The following JAKMIP2 variants were observed in gnomAD, a reference collection of about 807,000 sequenced individuals.
JAKMIP2 encodes the protein janus kinase and microtubule interacting protein 2.
A neutral mutation model predicts 115.0 loss-of-function variants in JAKMIP2; 25 were observed. That is an observed-to-expected ratio of 0.22 (90% CI 0.16 to 0.30). The LOEUF is 0.30. Ranked by LOEUF, JAKMIP2 falls within the 10% of genes least tolerant of loss-of-function variation. JAKMIP2 has a pLI of 1.00. For synonymous variants in JAKMIP2, 334 were observed against 343.6 expected (o/e 0.97, Z 0.31); for missense variants, 642 against 957.6 (o/e 0.67, Z 4.35).
intron 1 of JAKMIP2, among the ~76,000 whole-genome samples, chr5:147,706,456 C>T (rs1291068367): frequency 2.6e-5 from 4 of 152,136 alleles, no homozygotes; most frequent in African/African-American, 7.2e-5. Flanking sequence ...ACAGCTGAGA[C>T]TATAGGAACG....
At chr5:147,715,382 C>A (rs991873058) in intron 1 of JAKMIP2, among the ~76,000 whole-genome samples, 2 of 151,260 alleles carry the variant, frequency 1.3e-5, no homozygotes, top group African/African-American at 4.8e-5. Flanking sequence ...AAAAAATAAC[C>A]AAACAGAAAT....
At position 147,681,090 on chromosome 5, in the gene JAKMIP2, G is replaced by C. The variant is rs183522095; in HGVS notation, c.-148-9136C>G. Reference sequence around the variant, plus strand: ...GTCAATACACTGTTTCACATGAAAAGAATGCTATATAAATATAACCAAAAA... The same window carrying C: ...GTCAATACACTGTTTCACATGAAAACAATGCTATATAAATATAACCAAAAA... On this transcript the variant is annotated intron_variant, in intron 1 of 21. Transcript: ENST00000616793. 6.6e-5 allele frequency among the ~76,000 whole-genome samples: 10 copies of C among 152,218 alleles called. No individual in the cohort carries two copies. The East Asian group carries it at 1.9e-3, about 29-fold the overall frequency.
At chr5:147,637,366 C>G (rs941625923) in intron 10 of JAKMIP2, among the ~76,000 whole-genome samples, 34 of 151,676 alleles carry the variant, frequency 2.2e-4, no homozygotes, top group Non-Finnish European at 4.6e-4. Context: ...TAACTCTCCA[C>G]TCTTCTCTTT....
intron 1 of JAKMIP2, among the ~76,000 whole-genome samples, chr5:147,715,861 T>C (rs1336730351): frequency 6.6e-6 from 1 of 150,596 alleles, no homozygotes; most frequent in African/African-American, 2.4e-5. Flanking sequence ...TTTTTAATTA[T>C]ACTTTAAGTT....
chr5:147,733,286 T>G (rs191463438), intron 1 of JAKMIP2, among the ~76,000 whole-genome samples: 17 of 152,332 alleles, frequency 1.1e-4, no homozygotes, highest in Non-Finnish European at 1.5e-4. Flanking sequence ...CATGCTGAGC[T>G]GTGCTCAAAA....
chr5:147,601,752 A>C lies in JAKMIP2; in HGVS notation c.*9T>G. The stretch of plus-strand genomic sequence containing the variant: ...AAATGGAATCTTACCTTTAAGAGGC[A>C]CCTTGACATCAAGGCCATAGAATAA... On this transcript the variant is annotated 3_prime_UTR_variant, in exon 21 of 22. Transcript: ENST00000616793. 6.6e-7 allele frequency: 1 copy of C among 1,524,770 alleles called. No individual in the cohort carries two copies. The highest frequency in any genetic ancestry group is 8.8e-7 in the Non-Finnish European group (1 of 1,134,268). 94.5% of individuals were successfully genotyped at this position (1,524,770 alleles called of 1,614,324 possible). A position where few individuals can be genotyped will look rare whatever the true frequency, so the allele number is the denominator to read the frequency against.
At chr5:147,639,566 C>T (rs1159472871) in intron 10 of JAKMIP2, 66 bp downstream of exon 10, 1 of 1,521,920 alleles carries the variant, frequency 6.6e-7, no homozygotes, top group African/African-American at 1.4e-5. Context: ...ATTTTTATGT[C>T]CACAGTGCTT....
chr5:147,690,368 C>A (rs904937466), intron 1 of JAKMIP2, among the ~76,000 whole-genome samples: 1 of 151,346 alleles, frequency 6.6e-6, no homozygotes. Flanking sequence ...AAAAAAGGGA[C>A]CAGCATAATA....
At chr5:147,688,008 G>T (rs1760653064) in intron 1 of JAKMIP2, among the ~76,000 whole-genome samples, 1 of 152,180 alleles carries the variant, frequency 6.6e-6, no homozygotes. Context: ...AATCACTTCA[G>T]CCTGATTCCA....
chr5:147,614,485 T>C (rs549477460), intron 19 of JAKMIP2, among the ~76,000 whole-genome samples: 2 of 152,224 alleles, frequency 1.3e-5, no homozygotes, highest in Non-Finnish European at 2.9e-5. Flanking sequence ...CTTTTCTACC[T>C]ACTTCTTTTT....
At chr5:147,752,841 C>A (rs1013872332) in intron 1 of JAKMIP2, among the ~76,000 whole-genome samples, 3 of 152,122 alleles carry the variant, frequency 2.0e-5, no homozygotes, top group Non-Finnish European at 4.4e-5. Context: ...TTGGCTAGAA[C>A]AACTGAGTGG....
chr5:147,648,691 A>G (rs1162071770), intron 4 of JAKMIP2, among the ~76,000 whole-genome samples: 2 of 152,156 alleles, frequency 1.3e-5, no homozygotes, highest in Middle Eastern at 6.3e-3. Flanking sequence ...TGTAATTGCA[A>G]ATGAATTCCA....
intron 21 of JAKMIP2, among the ~76,000 whole-genome samples, chr5:147,601,113 A>G (rs1360733009): frequency 6.6e-6 from 1 of 152,182 alleles, no homozygotes; most frequent in Non-Finnish European, 1.5e-5. Flanking sequence ...GGAGACTATG[A>G]TGAGAATGCT....
At chr5:147,756,745 C>T (rs1397232878) in intron 1 of JAKMIP2, among the ~76,000 whole-genome samples, 1 of 152,088 alleles carries the variant, frequency 6.6e-6, no homozygotes, top group Non-Finnish European at 1.5e-5. Context: ...TATAAACAGC[C>T]TGTGCTCTAC....
intron 21 of JAKMIP2, among the ~76,000 whole-genome samples, chr5:147,591,912 A>G (rs1408559175): frequency 6.6e-6 from 1 of 152,192 alleles, no homozygotes; most frequent in Admixed American, 6.5e-5. Context: ...TAAAACAATT[A>G]ATGGTTCTTG....
chr5:147,714,781 G>A (rs1219825538), intron 1 of JAKMIP2, among the ~76,000 whole-genome samples: 2 of 152,122 alleles, frequency 1.3e-5, no homozygotes, highest in Non-Finnish European at 2.9e-5. Context: ...TTTTTCATAG[G>A]TTGAAAGAAG....
chr5:147,692,537 G>T (rs1580790596), intron 1 of JAKMIP2, among the ~76,000 whole-genome samples: 1 of 152,168 alleles, frequency 6.6e-6, no homozygotes, highest in South Asian at 2.1e-4. Context: ...ATCACAGCTT[G>T]TGGTTATAAA....
Position 147,586,146 on chromosome 5 carries a change from A to T in JAKMIP2, c.*5561T>A, listed in dbSNP as rs1440159338. On this transcript the variant is annotated 3_prime_UTR_variant, in exon 22 of 22. Coordinates refer to ENST00000616793, the MANE Select transcript of JAKMIP2 (RefSeq NM_001270941.2). ...GGTAGTCAAGGATGGGAAGAGTTCA[A>T]ACACTAAATGCTCGACAAAAACATG... 6.6e-6 allele frequency: 1 copy of T among 152,148 alleles called. No homozygotes were observed. The highest frequency in any genetic ancestry group is 1.5e-5 in the Non-Finnish European group (1 of 68,052). 9.4% of individuals were successfully genotyped at this position (152,148 alleles called of 1,614,324 possible). A position where few individuals can be genotyped will look rare whatever the true frequency, so the allele number is the denominator to read the frequency against.
At chr5:147,677,883 A>C (rs999760345) in intron 1 of JAKMIP2, among the ~76,000 whole-genome samples, 1 of 152,176 alleles carries the variant, frequency 6.6e-6, no homozygotes, top group Non-Finnish European at 1.5e-5. Flanking sequence ...CATTTCTATT[A>C]ACTATACTCA....
Sources: gnomAD v4.1 joint callset for allele counts (sites outside exome capture counted in the v4.1 genomes callset) on GRCh38, gnomAD v4.1.1 for gene constraint, MANE v1.5 for transcripts, NCBI Gene and HGNC (gene_info 2026-07-23, HGNC 2026-07-21) for gene names.